The following TRHDE variants were observed in gnomAD, a reference collection of about 807,000 sequenced individuals.
TRHDE encodes the protein thyrotropin releasing hormone degrading enzyme.
Under a neutral mutation model 125.7 loss-of-function variants are expected in TRHDE, and 72 were observed. The ratio of observed to expected loss-of-function variants is 0.57; its 90% CI spans 0.47 to 0.70. The LOEUF is 0.70. Among genes scored for constraint, TRHDE ranks in the 30% least tolerant of loss-of-function variants. The pLI, the probability that TRHDE is intolerant of heterozygous loss-of-function variation, is 0.00. For synonymous variants in TRHDE, 509 were observed against 509.1 expected, an observed-to-expected ratio of 1.00 and a Z score of 0.00; for missense variants, 1,110 against 1,327.1, an observed-to-expected ratio of 0.84 and a Z score of 2.54.
chr12:72,581,645 C>G (rs1871232237), intron 12 of TRHDE, among the ~76,000 whole-genome samples: 1 of 152,124 alleles, frequency 6.6e-6, no homozygotes, highest in South Asian at 2.1e-4. Context: ...ATAGACTACT[C>G]TGTTAAAAAA....
intron 2 of TRHDE, among the ~76,000 whole-genome samples, chr12:72,334,735 C>T (rs998859931): frequency 1.3e-5 from 2 of 152,094 alleles, no homozygotes; most frequent in Non-Finnish European, 2.9e-5. Context: ...CTTAGTAGGC[C>T]GAAGTTCATC....
At chr12:72,344,339 G>T (rs879335536) in intron 2 of TRHDE, among the ~76,000 whole-genome samples, 2 of 152,180 alleles carry the variant, frequency 1.3e-5, no homozygotes, top group Admixed American at 1.3e-4. Context: ...TAGCAAGTAC[G>T]TGCTTAATAA....
At chr12:72,369,695 C>T (rs953969310) in intron 2 of TRHDE, among the ~76,000 whole-genome samples, 1 of 151,984 alleles carries the variant, frequency 6.6e-6, no homozygotes, top group Admixed American at 6.6e-5. Flanking sequence ...GAAAGTTGAC[C>T]CTCCAGTCCC....
intron 2 of TRHDE, among the ~76,000 whole-genome samples, chr12:72,260,721 G>A (rs1878931124): frequency 6.6e-6 from 1 of 152,134 alleles, no homozygotes; most frequent in African/African-American, 2.4e-5. Context: ...AATGAAAGAA[G>A]GGAGTAGTAA....
At chr12:72,136,539 AGCATATG>A (rs1220844169) in intron 2 of TRHDE, among the ~76,000 whole-genome samples, 1 of 152,252 alleles carries the variant, frequency 6.6e-6, no homozygotes. Context: ...TTCTGTGCCC[AGCATATG>A]GCTAATTAGG....
intron 2 of TRHDE, among the ~76,000 whole-genome samples, chr12:72,154,615 C>T (rs1876458789): frequency 6.6e-6 from 1 of 152,150 alleles, no homozygotes; most frequent in African/African-American, 2.4e-5. Flanking sequence ...TCAGCATTTG[C>T]TTGTCTGTAA....
intron 15 of TRHDE, among the ~76,000 whole-genome samples, chr12:72,639,462 A>G (rs527675937): frequency 6.6e-6 from 1 of 152,354 alleles, no homozygotes; most frequent in African/African-American, 2.4e-5. Context: ...GTCCTCCCGT[A>G]GCTCGGAGTA....
chr12:72,229,674 C>T (rs1373673263), intron 2 of TRHDE, among the ~76,000 whole-genome samples: 2 of 152,088 alleles, frequency 1.3e-5, no homozygotes, highest in Admixed American at 6.6e-5. Context: ...TTGCTTAATG[C>T]CTTATGAAAG....
At position 72,656,925 on chromosome 12, in the gene TRHDE, A is replaced by G. The variant is rs1395223396; in HGVS notation, c.2985-2A>G. On this transcript the variant is annotated splice_acceptor_variant, in intron 17 of 18. Coordinates refer to ENST00000261180, the MANE Select transcript of TRHDE (RefSeq NM_013381.3). LOFTEE classifies it high-confidence loss of function. ...ACATTAAGACTCTTTTTTTCTTTTG[A>G]GGTATGGAGAAGCATTGTTTATGAA... is the stretch of plus-strand genomic sequence containing the variant. 1 of 1,595,042 alleles carries G rather than the reference A, an allele frequency of 6.3e-7. No individual in the cohort carries two copies.
chr12:72,099,666 A>G (rs1410644238), intron 1 of TRHDE, among the ~76,000 whole-genome samples: 1 of 152,190 alleles, frequency 6.6e-6, no homozygotes, highest in Non-Finnish European at 1.5e-5. Flanking sequence ...TCATGTAGAT[A>G]CAGACTCAGA....
intron 17 of TRHDE, among the ~76,000 whole-genome samples, chr12:72,655,169 T>C (rs456107): frequency 0.98 from 148,790 of 152,182 alleles, 72,777 homozygotes; most frequent in East Asian, 1. Context: ...ACCTCCTGAG[T>C]TCAGGTGATC....
intron 2 of TRHDE, among the ~76,000 whole-genome samples, chr12:72,201,291 A>C (rs1386021994): frequency 6.6e-6 from 1 of 152,238 alleles, no homozygotes; most frequent in Non-Finnish European, 1.5e-5. Flanking sequence ...ATCCAAATCC[A>C]ATAGCTTATA....
At chr12:72,465,358 G>A (rs962275346) in intron 3 of TRHDE, among the ~76,000 whole-genome samples, 3 of 151,992 alleles carry the variant, frequency 2.0e-5, no homozygotes, top group African/African-American at 7.3e-5. Context: ...GTTTCCCATC[G>A]CTATCTTCTA....
chr12:72,133,119 A>G (rs999363947), intron 2 of TRHDE, among the ~76,000 whole-genome samples: 7 of 152,216 alleles, frequency 4.6e-5, no homozygotes, highest in Non-Finnish European at 7.3e-5. Flanking sequence ...AGCTTTTGTA[A>G]GTATACATAC....
chr12:72,484,516 A>G (rs2135917570), intron 5 of TRHDE, among the ~76,000 whole-genome samples: 1 of 152,314 alleles, frequency 6.6e-6, no homozygotes, highest in Non-Finnish European at 1.5e-5. Flanking sequence ...TTGTTTCACC[A>G]TCATTTCCCA....
At chr12:72,359,229 A>G (rs1382593910) in intron 2 of TRHDE, among the ~76,000 whole-genome samples, 2 of 151,702 alleles carry the variant, frequency 1.3e-5, no homozygotes, top group East Asian at 3.9e-4. Flanking sequence ...CGAAAAATCC[A>G]ACATTATTCA....
At chr12:72,525,893 G>A (rs1214231616) in intron 6 of TRHDE, among the ~76,000 whole-genome samples, 1 of 151,988 alleles carries the variant, frequency 6.6e-6, no homozygotes, top group African/African-American at 2.4e-5. Flanking sequence ...AGGCTTTCAT[G>A]GTTTAAGGAA....
At chr12:72,252,527 A>G (rs111894701) in intron 2 of TRHDE, among the ~76,000 whole-genome samples, 3,980 of 152,174 alleles carry the variant, frequency 0.026, 106 homozygotes, top group Non-Finnish European at 0.036. Context: ...AATACCACAC[A>G]GTCTTGAGTA....
intron 5 of TRHDE, among the ~76,000 whole-genome samples, chr12:72,499,296 G>A (rs1878048224): frequency 6.6e-6 from 1 of 152,064 alleles, no homozygotes; most frequent in African/African-American, 2.4e-5. Flanking sequence ...CATTGATTTT[G>A]TTTCGTGGTG....
Sources: gnomAD v4.1 joint callset for allele counts (sites outside exome capture counted in the v4.1 genomes callset) on GRCh38, gnomAD v4.1.1 for gene constraint, MANE v1.5 for transcripts, NCBI Gene and HGNC (gene_info 2026-07-23, HGNC 2026-07-21) for gene names.